The following PCNT variants were observed in gnomAD, a reference collection of about 807,000 sequenced individuals.
The protein encoded by PCNT is kendrin.
PCNT carries 319 observed loss-of-function variants against 380.4 expected under a neutral mutation model. That is an observed-to-expected ratio of 0.84 (90% CI 0.77 to 0.92). PCNT has a LOEUF of 0.92. Ranked by LOEUF, PCNT falls within the 40% of genes least tolerant of loss-of-function variation. The pLI, the probability that PCNT is intolerant of heterozygous loss-of-function variation, is 0.00. For synonymous variants in PCNT, 1,845 were observed against 1,735.2 expected (o/e 1.06, Z -1.57); for missense variants, 4,400 against 4,255.3 (o/e 1.03, Z -0.95).
intron 17 of PCNT, 79 bp downstream of exon 17, chr21:46,386,062 G>T: frequency 6.4e-7 from 1 of 1,569,480 alleles, no homozygotes; most frequent in Non-Finnish European, 8.7e-7. Flanking sequence ...TGGTCCCCAC[G>T]GCTCCTGGCC....
rs765523396 is a variant in PCNT at position 46,411,677 on chromosome 21, G to A, written c.5604G>A (p.Ala1868=). Residue 1868 remains alanine (A), a synonymous_variant, in exon 28 of 47, where the codon GCG becomes GCA. Transcript: ENST00000359568. ...EFEAALKAKE[A]TIAERNLEID... is the part of the protein sequence containing the mutation. ...AAGCGGCCCTGAAAGCAAAGGAAGC[G>A]ACGATTGCCGAGAGAAATTTAGAAA... is the stretch of plus-strand genomic sequence containing the variant. 6.2e-6 allele frequency: 10 copies of A among 1,612,874 alleles called. No individual in the cohort carries two copies. Among genetic ancestry groups the A allele is most frequent in the African/African-American group, 4.0e-5 (3 of 74,942 alleles).
At chr21:46,355,890 C>G (rs914822526) in intron 12 of PCNT, among the ~76,000 whole-genome samples, 1 of 152,186 alleles carries the variant, frequency 6.6e-6, no homozygotes, top group Admixed American at 6.5e-5. Context: ...CCCTGGGGGT[C>G]ATGGGGATTG....
chr21:46,388,430 C>T lies in PCNT; in HGVS notation c.3465-312C>T, dbSNP rs993326127. Among the ~76,000 whole-genome samples the T allele has an allele frequency of 2.6e-5, 4 of 152,292 alleles. No individual in the cohort carries two copies. The highest frequency in any genetic ancestry group is 2.1e-4 in the South Asian group (1 of 4,828). ...CTGCTCCCGGGTGATTGACGCTGTG[C>T]GGCCACATCGCACACCTGCGGGACG... On this transcript the variant is annotated intron_variant, in intron 17 of 46. Coordinates refer to ENST00000359568, the MANE Select transcript of PCNT (RefSeq NM_006031.6). This position sits in a 1 kb window ranked among gnomAD's most constrained non-coding sequence, Gnocchi z 4.2.
intron 1 of PCNT, among the ~76,000 whole-genome samples, chr21:46,326,163 C>T (rs1022540010): frequency 6.6e-6 from 1 of 152,276 alleles, no homozygotes; most frequent in South Asian, 2.1e-4. Flanking sequence ...GTTTTCTTTA[C>T]CAGGCATAAT....
At chr21:46,397,855 A>G (rs1383405388) in intron 22 of PCNT, among the ~76,000 whole-genome samples, 159 bp from the exon 23 acceptor site, 1 of 152,176 alleles carries the variant, frequency 6.6e-6, no homozygotes, top group Non-Finnish European at 1.5e-5. Flanking sequence ...TTCTTTACTT[A>G]ACTCCATTTT....
In PCNT at chr21:46,430,599, T is replaced by A. The variant is rs1399048511; in HGVS notation, c.8006T>A (p.Leu2669Gln). 3 of 1,567,496 alleles carry A rather than the reference T, an allele frequency of 1.9e-6. No homozygotes were observed. The highest frequency in any genetic ancestry group is 2.6e-6 in the Non-Finnish European group (3 of 1,156,682). The change falls in exon 37 of 47, where the codon CTG (leucine) becomes CAG (glutamine). Residue 2669 changes from leucine (L) to glutamine (Q), a missense_variant. Coordinates refer to ENST00000359568, the MANE Select transcript of PCNT (RefSeq NM_006031.6). ...QGKGRALQSQ[L>Q]EEEQLRHLQR... ...AAGGGGCGTGCCCTGCAGAGCCAGC[T>A]GGAGGAGGAGCAGCTGCGGCACCTG...
chr21:46,391,317 G>A lies in PCNT; in HGVS notation c.4157G>A (p.Cys1386Tyr). 1 of 1,564,174 alleles carries A rather than the reference G, an allele frequency of 6.4e-7. No individual in the cohort carries two copies. The highest frequency in any genetic ancestry group is 1.2e-5 in the South Asian group (1 of 85,156). Residue 1386 changes from cysteine (C) to tyrosine (Y), a missense_variant, in exon 21 of 47, where the codon TGC (cysteine) becomes TAC (tyrosine). Cys to Tyr is a radical substitution (Grantham distance 194). Coordinates refer to ENST00000359568, the MANE Select transcript of PCNT (RefSeq NM_006031.6). ...GAGCAGGCGGCGCTGAGGGAGGAGTGCACCCGTCTGTGGAGTCGGGGGGAG... is the reference window on the plus strand; with the variant it reads ...GAGCAGGCGGCGCTGAGGGAGGAGTACACCCGTCTGTGGAGTCGGGGGGAG... The part of the protein sequence containing the change: ...AQEQAALREE[C>Y]TRLWSRGEAT...
chr21:46,441,748 G>A (rs1193492409), intron 43 of PCNT, among the ~76,000 whole-genome samples: 4 of 152,140 alleles, frequency 2.6e-5, no homozygotes, highest in Non-Finnish European at 4.4e-5. Context: ...TTAGGCACTA[G>A]ATAGGGGAGG....
intron 27 of PCNT, among the ~76,000 whole-genome samples, chr21:46,406,498 A>T (rs2147592135): frequency 6.6e-6 from 1 of 152,342 alleles, no homozygotes; most frequent in Non-Finnish European, 1.5e-5. Context: ...ATTTATGTAT[A>T]TTAGTAGCGT....
chr21:46,438,496 G>A lies in PCNT; in HGVS notation c.9273+159G>A, dbSNP rs111436749. Among the ~76,000 whole-genome samples, 4 of 152,318 alleles carry A rather than the reference G, an allele frequency of 2.6e-5. 1 individual carries two copies. The highest frequency in any genetic ancestry group is 9.6e-5 in the African/African-American group (4 of 41,564). ...CTCTGTTGCCTCTGTCTGAAGCCTTGCTAAATGTTGTGGGATGTTTGAACA... is the reference window on the plus strand; with the variant it reads ...CTCTGTTGCCTCTGTCTGAAGCCTTACTAAATGTTGTGGGATGTTTGAACA... On this transcript the variant is annotated intron_variant, in intron 41 of 46. Coordinates refer to ENST00000359568, the MANE Select transcript of PCNT (RefSeq NM_006031.6).
At position 46,396,854 on chromosome 21, in the gene PCNT, C is replaced by T. The variant is rs576717241; in HGVS notation, c.4217-411C>T. Among the ~76,000 whole-genome samples the T allele has an allele frequency of 6.7e-4, 102 of 152,286 alleles. 2 individuals carry two copies. In the South Asian group the frequency reaches 0.02, roughly 30 times the overall value. ...CTGACGTCGAGTGATCCACCCGCCT[C>T]GGCCTCCCAAAGTGCTGGGATTACA... On this transcript the variant is annotated intron_variant, in intron 21 of 46. Coordinates refer to ENST00000359568, the MANE Select transcript of PCNT (RefSeq NM_006031.6).
chr21:46,364,849 C>T (rs561474408), intron 14 of PCNT, among the ~76,000 whole-genome samples: 4 of 152,364 alleles, frequency 2.6e-5, no homozygotes, highest in Non-Finnish European at 5.9e-5. Context: ...ACGCTCTTCT[C>T]ACCAGGCTAC....
At chr21:46,391,418 CGCGGATACAGCTGCCACGGTTTCCCCA>C in intron 21 of PCNT, 42 bp downstream of exon 21, 1 of 1,477,202 alleles carries the variant, frequency 6.8e-7, no homozygotes, top group Non-Finnish European at 9.2e-7. Flanking sequence ...AGCTGTGGGG[CGCGGATACAGCTGCCACGGTTTCCCCA>C]GCTCCCAAGG....
intron 2 of PCNT, among the ~76,000 whole-genome samples, chr21:46,331,523 G>T (rs2083560746): frequency 6.6e-6 from 1 of 152,186 alleles, no homozygotes; most frequent in Non-Finnish European, 1.5e-5. Context: ...CTCAGAAATG[G>T]CAGAAAGCAA....
At chr21:46,330,397 G>A (rs1390045146) in intron 2 of PCNT, among the ~76,000 whole-genome samples, 1 of 152,146 alleles carries the variant, frequency 6.6e-6, no homozygotes, top group Non-Finnish European at 1.5e-5. Context: ...GGAATTATAG[G>A]TGTGAGCCAT....
At chr21:46,424,496 C>CT (rs1255276299) in intron 32 of PCNT, among the ~76,000 whole-genome samples, 1 of 152,256 alleles carries the variant, frequency 6.6e-6, no homozygotes, top group Non-Finnish European at 1.5e-5. Flanking sequence ...AACCCACCTG[C>CT]AAGGGCCCCG....
At position 46,431,720 on chromosome 21, in the gene PCNT, C is replaced by T. The variant is rs1344066970; in HGVS notation, c.8256C>T (p.Ser2752=). ...AGAAGGACCTTGCGGCTGAGAAGAGCCGCACCCTGGAGCTGTCAGAGGCCT... is the reference window on the plus strand; with the variant it reads ...AGAAGGACCTTGCGGCTGAGAAGAGTCGCACCCTGGAGCTGTCAGAGGCCT... ...ELQKDLAAEK[S]RTLELSEALR... is the part of the protein sequence containing the mutation. Residue 2752 remains serine, a synonymous_variant, in exon 38 of 47, where the codon AGC becomes AGT. Transcript: ENST00000359568. 6.2e-7 allele frequency: 1 copy of T among 1,612,102 alleles called. No homozygotes were observed. The highest frequency in any genetic ancestry group is 1.3e-5 in the African/African-American group (1 of 75,052).
At chr21:46,444,607 C>CT (rs2053701707) in intron 45 of PCNT, 87 bp from the exon 46 acceptor site, 1 of 1,490,402 alleles carries the variant, frequency 6.7e-7, no homozygotes, top group Non-Finnish European at 9.2e-7. Context: ...TGCCTTTCTT[C>CT]TGCACTCAGT....
At chr21:46,365,507 G>A (rs77930499) in intron 14 of PCNT, among the ~76,000 whole-genome samples, 41 of 85,028 alleles carry the variant, frequency 4.8e-4, no homozygotes, top group Admixed American at 9.2e-4. Context: ...GTGGGGTTCT[G>A]ATCACTGCCA....
Sources: allele counts gnomAD v4.1 joint callset (sites outside exome capture counted in the v4.1 genomes callset), GRCh38; gene constraint gnomAD v4.1.1; non-coding constraint Gnocchi (gnomAD v3.1); transcripts MANE v1.5; gene names NCBI Gene and HGNC (gene_info 2026-07-23, HGNC 2026-07-21).